Variants in NEBL observed in about 807,000 individuals in gnomAD.
NEBL encodes nebulette.
A neutral mutation model predicts 140.2 loss-of-function variants in NEBL; 122 were observed. That is an observed-to-expected ratio of 0.87 (90% CI 0.75 to 1.01). The LOEUF (loss-of-function observed/expected upper bound fraction) is 1.01, where lower values mean the gene tolerates loss of function less well. Among genes scored for constraint, NEBL ranks in the 50% least tolerant of loss-of-function variants. The pLI is 0.00. For missense variants in NEBL, 1,365 were observed against 1,231.3 expected, an observed-to-expected ratio of 1.11 and a Z score of -1.62; for synonymous variants, 436 against 398.9, an observed-to-expected ratio of 1.09 and a Z score of -1.11.
chr10:21,235,953 C>T (rs777489299), intron 3 of NEBL, among the ~76,000 whole-genome samples: 7 of 152,060 alleles, frequency 4.6e-5, no homozygotes, highest in Non-Finnish European at 8.8e-5. Flanking sequence ...GGAAAAGAAA[C>T]GACTTTTTAA....
At chr10:21,057,160 G>A (rs190119684) in intron 2 of NEBL, among the ~76,000 whole-genome samples, 1 of 152,070 alleles carries the variant, frequency 6.6e-6, no homozygotes, top group East Asian at 1.9e-4. Context: ...CTTATGCCGG[G>A]CTTTCACATC....
chr10:21,286,101 T>C (rs1452860640), intron 1 of NEBL, among the ~76,000 whole-genome samples: 1 of 152,234 alleles, frequency 6.6e-6, no homozygotes, highest in Non-Finnish European at 1.5e-5. Context: ...CTTGGCTCTT[T>C]CTCAGCCTAT....
chr10:20,794,134 T>C (rs1836267894), intron 26 of NEBL, among the ~76,000 whole-genome samples: 1 of 152,156 alleles, frequency 6.6e-6, no homozygotes, highest in Non-Finnish European at 1.5e-5. Context: ...GCAACATTCC[T>C]GGGAAAGCCA....
intron 5 of NEBL, among the ~76,000 whole-genome samples, chr10:20,880,346 C>A (rs894366847): frequency 6.6e-6 from 1 of 152,098 alleles, no homozygotes; most frequent in Non-Finnish European, 1.5e-5. Flanking sequence ...GGTGACAGAG[C>A]GAGGCTCTGT....
chr10:21,235,234 T>A (rs1347385267), intron 3 of NEBL, among the ~76,000 whole-genome samples: 1 of 152,110 alleles, frequency 6.6e-6, no homozygotes, highest in Non-Finnish European at 1.5e-5. Flanking sequence ...AGGTTGCGGC[T>A]GCAGTGAGCT....
chr10:20,858,442 A>C, intron 8 of NEBL, 98 bp from the exon 9 acceptor site: 1 of 990,894 alleles, frequency 1.0e-6, no homozygotes, highest in Admixed American at 2.0e-5. Context: ...AGGACTATTT[A>C]GTGGTAAATG....
chr10:20,889,591 T>C (rs1232220347), intron 3 of NEBL, among the ~76,000 whole-genome samples: 4 of 152,130 alleles, frequency 2.6e-5, no homozygotes, highest in Non-Finnish European at 5.9e-5. Flanking sequence ...TCAAGAGGAA[T>C]CGTATATAAA....
intron 1 of NEBL, among the ~76,000 whole-genome samples, chr10:21,259,071 C>CT (rs35219702): frequency 0.2 from 29,020 of 144,290 alleles, 3,274 homozygotes; most frequent in African/African-American, 0.32. Flanking sequence ...GACGCACAGT[C>CT]TTTTTTTTTT....
chr10:21,102,813 TTTTG>T lies in NEBL; in HGVS notation c.164+69566_164+69569del, dbSNP rs147963505. 8.8e-3 allele frequency among the ~76,000 whole-genome samples: 1,334 copies of T among 152,302 alleles called. 21 individuals are homozygous for T. Among genetic ancestry groups the T allele is most frequent in the East Asian group, 0.045 (235 of 5,184 alleles). Reference sequence around the variant, plus strand: ...TTTAACACATGTTTGCACACATGTTTTTTGTTTGTTTGTTTTATTTTTATTTTTA... The same window carrying T: ...TTTAACACATGTTTGCACACATGTTTTTTGTTTGTTTTATTTTTATTTTTA... On this transcript the variant is annotated intron_variant, in intron 2 of 6. Transcript: ENST00000417816.
intron 1 of NEBL, among the ~76,000 whole-genome samples, chr10:21,264,294 C>G (rs1205551927): frequency 6.6e-6 from 1 of 152,192 alleles, no homozygotes; most frequent in Non-Finnish European, 1.5e-5. Context: ...TCTGCCCCTA[C>G]CACGGTGCTG....
intron 5 of NEBL, among the ~76,000 whole-genome samples, chr10:20,879,576 G>A (rs150726180): frequency 2.0e-5 from 3 of 152,244 alleles, no homozygotes; most frequent in South Asian, 2.1e-4. Flanking sequence ...AACAGTTGCC[G>A]TTCTGCGGAA....
At chr10:21,162,367 A>G (rs950350919) in intron 2 of NEBL, among the ~76,000 whole-genome samples, 2 of 152,060 alleles carry the variant, frequency 1.3e-5, no homozygotes, top group African/African-American at 4.8e-5. Context: ...GGTCGTGGGA[A>G]CTCTCAAATT....
At chr10:21,118,733 T>G (rs1352081535) in intron 2 of NEBL, among the ~76,000 whole-genome samples, 2 of 152,192 alleles carry the variant, frequency 1.3e-5, no homozygotes, top group Non-Finnish European at 2.9e-5. Flanking sequence ...TTTTCTAAAT[T>G]ACATATGTGC....
chr10:20,864,192 A>T (rs1352045490), intron 7 of NEBL, among the ~76,000 whole-genome samples: 2 of 152,202 alleles, frequency 1.3e-5, no homozygotes, highest in Non-Finnish European at 2.9e-5. Flanking sequence ...AAGATGATCT[A>T]TGGATATATT....
At chr10:21,131,644 A>C (rs553891049) in intron 2 of NEBL, among the ~76,000 whole-genome samples, 5 of 152,172 alleles carry the variant, frequency 3.3e-5, no homozygotes, top group African/African-American at 4.8e-5. Context: ...TTTCAAATCC[A>C]TGTAGAACCT....
chr10:21,186,988 A>ATGTGTGTGTGTGTGTGTGTGTGTG (rs35359446), intron 3 of NEBL, among the ~76,000 whole-genome samples: 1 of 141,890 alleles, frequency 7.0e-6, no homozygotes, highest in Non-Finnish European at 1.6e-5. Context: ...CCAACTCTGT[A>ATGTGTGTGTGTGTGTGTGTGTGTG]TGTGTGTGTG....
chr10:21,168,535 T>TA (rs927329553), intron 2 of NEBL, among the ~76,000 whole-genome samples: 11 of 152,086 alleles, frequency 7.2e-5, no homozygotes, highest in East Asian at 1.9e-4. Flanking sequence ...TCCTGGCTTT[T>TA]AAAAAAAACT....
At chr10:21,030,351 G>A in intron 2 of NEBL, 3 of 620,484 alleles carry the variant, frequency 4.8e-6, no homozygotes, top group Non-Finnish European at 8.8e-6. Flanking sequence ...GCCACACCCG[G>A]CAAAAGTCAA....
At chr10:20,929,201 C>T (rs1007426360) in intron 4 of NEBL, among the ~76,000 whole-genome samples, 1 of 151,880 alleles carries the variant, frequency 6.6e-6, no homozygotes, top group Non-Finnish European at 1.5e-5. Context: ...AGCAAAAATA[C>T]GGAATCAACC....
Sources: allele counts gnomAD v4.1 joint callset (sites outside exome capture counted in the v4.1 genomes callset), GRCh38; gene constraint gnomAD v4.1.1; transcripts MANE v1.5; gene names NCBI Gene and HGNC (gene_info 2026-07-23, HGNC 2026-07-21).